Variants in TMEM135 observed in about 807,000 individuals in gnomAD.
TMEM135 encodes the protein transmembrane protein 135.
TMEM135 carries 30 observed loss-of-function variants against 60.3 expected under a neutral mutation model. The ratio of observed to expected loss-of-function variants is 0.50; its 90% CI spans 0.37 to 0.68. The LOEUF (loss-of-function observed/expected upper bound fraction) is 0.68. Among genes scored for constraint, TMEM135 ranks in the 30% least tolerant of loss-of-function variants. The pLI, the probability that TMEM135 is intolerant of heterozygous loss-of-function variation, is 0.00. For missense variants in TMEM135, 468 were observed against 548.8 expected, an observed-to-expected ratio of 0.85 and a Z score of 1.47; for synonymous variants, 190 against 186.7, an observed-to-expected ratio of 1.02 and a Z score of -0.14.
chr11:87,318,061 G>T, intron 12 of TMEM135, 76 bp from the exon 13 acceptor site: 2 of 1,103,482 alleles, frequency 1.8e-6, no homozygotes, highest in East Asian at 2.4e-5. Flanking sequence ...GTTGTAGGCA[G>T]GGAGCACAAT....
chr11:87,194,732 G>C lies in TMEM135; in HGVS notation c.462+37326G>C, dbSNP rs190405721. Among the ~76,000 whole-genome samples, 5 of 151,090 alleles carry C rather than the reference G, an allele frequency of 3.3e-5. No individual in the cohort carries two copies. In the East Asian group the frequency reaches 9.7e-4, roughly 29 times the overall value. ...TCTTCCATAATTCTCTTTGAAGTCA[G>C]TAGTTGCTGTAAGTATGGAAATAGA... is the stretch of plus-strand genomic sequence containing the variant. On this transcript the variant is annotated intron_variant, in intron 5 of 14. Transcript: ENST00000305494.
At chr11:87,314,413 CAT>C in intron 11 of TMEM135, 56 bp from the exon 12 acceptor site, 1 of 1,406,140 alleles carries the variant, frequency 7.1e-7, no homozygotes, top group Non-Finnish European at 1.0e-6. Flanking sequence ...TTTCTGATGA[CAT>C]AATAACAAAT....
At chr11:87,251,943 C>A (rs660930) in intron 6 of TMEM135, among the ~76,000 whole-genome samples, 100,125 of 151,902 alleles carry the variant, frequency 0.66, 33,573 homozygotes, top group Non-Finnish European at 0.71. Flanking sequence ...GGTAAAAAGT[C>A]TTCATCTGCA....
intron 6 of TMEM135, among the ~76,000 whole-genome samples, chr11:87,246,537 G>A (rs1941275943): frequency 6.6e-6 from 1 of 152,148 alleles, no homozygotes; most frequent in South Asian, 2.1e-4. Flanking sequence ...ATTTCTTGGA[G>A]GCTTTGTTCG....
At chr11:87,108,911 T>C (rs1048047085) in intron 4 of TMEM135, among the ~76,000 whole-genome samples, 1 of 152,140 alleles carries the variant, frequency 6.6e-6, no homozygotes, top group Non-Finnish European at 1.5e-5. Context: ...ATACGTCTCA[T>C]GTATAAAAGG....
chr11:87,222,529 C>G (rs114561714), intron 5 of TMEM135, among the ~76,000 whole-genome samples: 8 of 150,760 alleles, frequency 5.3e-5, no homozygotes, highest in Non-Finnish European at 1.0e-4. Context: ...CTGGGCCGAG[C>G]GTGGTGGCCC....
chr11:87,086,565 T>C (rs910563880), intron 3 of TMEM135, among the ~76,000 whole-genome samples: 2 of 152,076 alleles, frequency 1.3e-5, no homozygotes, highest in African/African-American at 2.4e-5. Context: ...GTGTTTTTTT[T>C]CCTCTCAGTG....
At chr11:87,105,334 A>T (rs778584548) in intron 4 of TMEM135, among the ~76,000 whole-genome samples, 4 of 152,200 alleles carry the variant, frequency 2.6e-5, no homozygotes, top group Non-Finnish European at 5.9e-5. Context: ...TTAGATTCTC[A>T]TAGGATCCCG....
At chr11:87,205,930 G>A (rs758034672) in intron 5 of TMEM135, among the ~76,000 whole-genome samples, 2 of 152,090 alleles carry the variant, frequency 1.3e-5, no homozygotes, top group Non-Finnish European at 2.9e-5. Flanking sequence ...AGTTCACAGA[G>A]AACATCTTTT....
intron 1 of TMEM135, among the ~76,000 whole-genome samples, chr11:87,039,636 C>T (rs567877720): frequency 1.3e-5 from 2 of 152,306 alleles, no homozygotes; most frequent in South Asian, 2.1e-4. Context: ...GTGGCGCAAT[C>T]ACGGCTCACT....
chr11:87,188,639 G>A (rs1431371791), intron 5 of TMEM135, among the ~76,000 whole-genome samples: 1 of 151,676 alleles, frequency 6.6e-6, no homozygotes, highest in Non-Finnish European at 1.5e-5. Context: ...AGTAGGTGGA[G>A]GTTGCAGTGG....
chr11:87,172,045 C>A (rs949648150), intron 5 of TMEM135, among the ~76,000 whole-genome samples: 1 of 152,076 alleles, frequency 6.6e-6, no homozygotes. Context: ...GGGTTGGGAA[C>A]CCCTGTGCTT....
chr11:87,129,090 A>G (rs1207969653), intron 4 of TMEM135, among the ~76,000 whole-genome samples: 1 of 150,448 alleles, frequency 6.6e-6, no homozygotes, highest in Admixed American at 6.6e-5. Flanking sequence ...ATCTGATTTT[A>G]AAATTTAAAA....
chr11:87,198,638 T>C (rs1314090957), intron 5 of TMEM135, among the ~76,000 whole-genome samples: 1 of 145,178 alleles, frequency 6.9e-6, no homozygotes, highest in African/African-American at 2.5e-5. Context: ...CTCCTCTCCC[T>C]CTCTTCTCTT....
intron 11 of TMEM135, 37 bp from the exon 12 acceptor site, chr11:87,314,433 CT>C (rs1942690958): frequency 2.0e-6 from 3 of 1,523,254 alleles, no homozygotes; most frequent in Non-Finnish European, 2.7e-6. Context: ...AATAAATACT[CT>C]GCGATCTTAT....
chr11:87,233,036 AG>A lies in TMEM135; in HGVS notation c.463-3601del, dbSNP rs1302071933. On this transcript the variant is annotated intron_variant, in intron 5 of 14. Coordinates refer to ENST00000305494, the MANE Select transcript of TMEM135 (RefSeq NM_022918.4). ...TGTGGTGACACATGTCTGTAATCCC[AG>A]CTACTGGGGAGGCTGAAGCAGGATA... Among the ~76,000 whole-genome samples, 16 of 152,138 alleles carry A rather than the reference AG, an allele frequency of 1.1e-4. 1 individual carries two copies. Among genetic ancestry groups the A allele is most frequent in the Non-Finnish European group, 2.9e-5 (2 of 68,022 alleles).
At chr11:87,159,142 T>G (rs1282932614) in intron 5 of TMEM135, among the ~76,000 whole-genome samples, 2 of 152,212 alleles carry the variant, frequency 1.3e-5, no homozygotes, top group Non-Finnish European at 2.9e-5. Context: ...TACTAATTAT[T>G]AGGTGTTGTT....
At position 87,327,774 on chromosome 11, in the gene TMEM135, G is replaced by A. The variant is rs1942935206; in HGVS notation, c.*6441G>A. ...GTCTGAGAACCTGGGGGTGGGATGG[G>A]GGAGTGATAGTTTTAAGTCCTGGAG... On this transcript the variant is annotated 3_prime_UTR_variant, in exon 15 of 15. Transcript: ENST00000305494. The A allele has an allele frequency of 2.2e-6, 1 of 453,902 alleles. No individual in the cohort carries two copies. Among genetic ancestry groups the A allele is most frequent in the African/African-American group, 2.0e-5 (1 of 49,978 alleles). The allele number at this position is 453,902 out of a possible 1,614,324, so 28.1% of individuals were successfully genotyped here.
At chr11:87,314,646 A>C in intron 12 of TMEM135, 99 bp downstream of exon 12, 12 of 955,018 alleles carry the variant, frequency 1.3e-5, no homozygotes, top group Non-Finnish European at 2.0e-5. Context: ...GCAAACATAA[A>C]TTTTAATCCT....
Sources: gnomAD v4.1 joint callset for allele counts (sites outside exome capture counted in the v4.1 genomes callset) on GRCh38, gnomAD v4.1.1 for gene constraint, MANE v1.5 for transcripts, NCBI Gene and HGNC (gene_info 2026-07-23, HGNC 2026-07-21) for gene names.